The following PRDM16 variants were observed in gnomAD, a reference collection of about 807,000 sequenced individuals.
The protein encoded by PRDM16 is PR/SET domain 16.
In PRDM16, 23 loss-of-function variants were observed where a neutral mutation model predicts 110.6. That is an observed-to-expected ratio of 0.21 (90% CI 0.15 to 0.29). The LOEUF (loss-of-function observed/expected upper bound fraction) is 0.29, where lower values mean the gene tolerates loss of function less well. Among genes scored for constraint, PRDM16 ranks in the 10% least tolerant of loss-of-function variants. PRDM16 has a pLI of 1.00. For synonymous variants in PRDM16, 799 were observed against 781.8 expected, an observed-to-expected ratio of 1.02 and a Z score of -0.37; for missense variants, 1,615 against 1,794.3, an observed-to-expected ratio of 0.90 and a Z score of 1.81.
intron 1 of PRDM16, among the ~76,000 whole-genome samples, chr1:3,074,728 G>A (rs1641857468): frequency 6.6e-6 from 1 of 152,210 alleles, no homozygotes; most frequent in African/African-American, 2.4e-5. Context: ...GGAGGCTCAG[G>A]TTGGCCCGGG....
chr1:3,360,366 C>T (rs931146916), intron 3 of PRDM16, among the ~76,000 whole-genome samples: 6 of 152,102 alleles, frequency 3.9e-5, no homozygotes, highest in East Asian at 1.9e-4. Context: ...ATGGGTGTGC[C>T]GGGCCACAGG....
At chr1:3,231,335 G>A (rs10909905) in intron 2 of PRDM16, among the ~76,000 whole-genome samples, 33,936 of 136,256 alleles carry the variant, frequency 0.25, 4,598 homozygotes, top group African/African-American at 0.44. Flanking sequence ...GCCGAAAATA[G>A]GTGAGTGATG....
intron 3 of PRDM16, among the ~76,000 whole-genome samples, chr1:3,349,986 G>GGAGGAGAC (rs1642450430): frequency 6.6e-6 from 1 of 151,060 alleles, no homozygotes; most frequent in Non-Finnish European, 1.5e-5. Flanking sequence ...CCCTGGAGGA[G>GGAGGAGAC]ACAGCAGTCA....
intron 7 of PRDM16, 114 bp from the exon 8 acceptor site, chr1:3,405,381 T>G: frequency 8.0e-7 from 1 of 1,242,858 alleles, no homozygotes; most frequent in South Asian, 1.6e-5. Context: ...GACTGCAACG[T>G]GGCAAGAGAG....
intron 1 of PRDM16, among the ~76,000 whole-genome samples, chr1:3,138,374 G>A (rs569492313): frequency 5.6e-4 from 86 of 152,332 alleles, no homozygotes; most frequent in African/African-American, 1.7e-3. Context: ...GCCCATCAGC[G>A]GGGAGGCATC....
intron 1 of PRDM16, among the ~76,000 whole-genome samples, chr1:3,184,004 C>T (rs773526131): frequency 6.6e-6 from 1 of 152,196 alleles, no homozygotes; most frequent in Admixed American, 6.5e-5. Context: ...ACCACCCCCC[C>T]CAATGTACCT....
chr1:3,088,313 TCAAACCG>T (rs1642195888), intron 1 of PRDM16, among the ~76,000 whole-genome samples: 3 of 151,748 alleles, frequency 2.0e-5, no homozygotes, highest in African/African-American at 7.3e-5. Context: ...ATAAAAATCC[TCAAACCG>T]CCTTTCCCTT....
chr1:3,425,564 G>T lies in PRDM16; in HGVS notation c.2940-17G>T. 1 of 1,612,542 alleles carries T rather than the reference G, an allele frequency of 6.2e-7. No homozygotes were observed. Among genetic ancestry groups the T allele is most frequent in the Non-Finnish European group, 8.5e-7 (1 of 1,179,298 alleles). ...AGAGCCGGGGCCTGCACTGAGGAGC[G>T]CGTGTGCCCCTTCCAGGTGTAAGTA... On this transcript the variant is annotated splice_polypyrimidine_tract_variant and intron_variant, in intron 12 of 16. Coordinates refer to ENST00000270722, the MANE Select transcript of PRDM16 (RefSeq NM_022114.4). The surrounding 1 kb of genome is among the most constrained non-coding windows in gnomAD (Gnocchi z 6.9).
At chr1:3,200,608 C>T (rs1638599233) in intron 2 of PRDM16, among the ~76,000 whole-genome samples, 1 of 152,242 alleles carries the variant, frequency 6.6e-6, no homozygotes, top group South Asian at 2.1e-4. Context: ...TCCCGAAGTG[C>T]TGGGATTACA....
intron 1 of PRDM16, among the ~76,000 whole-genome samples, chr1:3,163,827 G>A (rs927156567): frequency 2.0e-5 from 3 of 152,142 alleles, no homozygotes; most frequent in Admixed American, 2.0e-4. Context: ...TTTGGATAAG[G>A]GAGCCACCCC....
At chr1:3,374,102 A>T (rs1308144550) in intron 3 of PRDM16, among the ~76,000 whole-genome samples, 7 of 152,102 alleles carry the variant, frequency 4.6e-5, no homozygotes, top group Admixed American at 4.6e-4. Context: ...CACGAGGCAA[A>T]CCTCTCAGGA....
intron 3 of PRDM16, among the ~76,000 whole-genome samples, chr1:3,378,897 G>T (rs1242831294): frequency 1.3e-5 from 2 of 151,966 alleles, no homozygotes; most frequent in African/African-American, 4.8e-5. Flanking sequence ...TCCTCCATCT[G>T]CTCCCTCCTT....
Position 3,144,665 on chromosome 1 carries a change from G to T in PRDM16, c.38-41460G>T, listed in dbSNP as rs566604811. On this transcript the variant is annotated intron_variant, in intron 1 of 16. Coordinates refer to ENST00000270722, the MANE Select transcript of PRDM16 (RefSeq NM_022114.4). ...CGCGTTCAGGAGAGGAAACCAAGGC[G>T]TGGGGGCTTTGCACCATTGCTTAGG... Among the ~76,000 whole-genome samples the T allele has an allele frequency of 4.6e-5, 7 of 152,330 alleles. 1 individual carries two copies. The highest frequency in any genetic ancestry group is 1.7e-4 in the African/African-American group (7 of 41,570).
intron 1 of PRDM16, among the ~76,000 whole-genome samples, chr1:3,154,449 AC>A (rs931770721): frequency 3.9e-5 from 6 of 152,282 alleles, no homozygotes; most frequent in African/African-American, 1.2e-4. Flanking sequence ...CGTTGTCAGG[AC>A]GGCCAAGGGC....
At chr1:3,314,078 G>GC (rs1459107635) in intron 3 of PRDM16, among the ~76,000 whole-genome samples, 2 of 145,644 alleles carry the variant, frequency 1.4e-5, no homozygotes, top group Non-Finnish European at 3.0e-5. Flanking sequence ...CACCGGGGGG[G>GC]GGGGCGGGAA....
chr1:3,431,213 G>A, intron 15 of PRDM16, 105 bp downstream of exon 15: 1 of 1,467,986 alleles, frequency 6.8e-7, no homozygotes, highest in Non-Finnish European at 9.1e-7. Context: ...CCCTGGCTCA[G>A]CCCCTACTCC....
chr1:3,438,021 G>GGTTTA lies in PRDM16; in HGVS notation c.*4215_*4219dup, dbSNP rs1237875873. On this transcript the variant is annotated 3_prime_UTR_variant, in exon 17 of 17. Coordinates refer to ENST00000270722, the MANE Select transcript of PRDM16 (RefSeq NM_022114.4). ...TCTGCCATTGTTACATTACAGATTT[G>GGTTTA]GTTTAGTTTTGTTTTGTTTTGTTTT... The GGTTTA allele has an allele frequency of 4.6e-6, 1 of 216,588 alleles. No individual in the cohort carries two copies. Among genetic ancestry groups the GGTTTA allele is most frequent in the Non-Finnish European group, 9.3e-6 (1 of 107,594 alleles). 13.4% of individuals were successfully genotyped at this position (216,588 alleles called of 1,614,324 possible). A position where few individuals can be genotyped will look rare whatever the true frequency, so the allele number is the denominator to read the frequency against.
At chr1:3,168,413 A>C (rs914437377) in intron 1 of PRDM16, among the ~76,000 whole-genome samples, 1 of 148,526 alleles carries the variant, frequency 6.7e-6, no homozygotes, top group African/African-American at 2.5e-5. Flanking sequence ...CAAGTGAGCA[A>C]GTGGCTCTTT....
chr1:3,074,537 T>C (rs1306243478), intron 1 of PRDM16, among the ~76,000 whole-genome samples: 1 of 151,686 alleles, frequency 6.6e-6, no homozygotes, highest in Non-Finnish European at 1.5e-5. Flanking sequence ...GCGTCCAGCG[T>C]GTAAGTGACC....
Sources: allele counts gnomAD v4.1 joint callset (sites outside exome capture counted in the v4.1 genomes callset), GRCh38; gene constraint gnomAD v4.1.1; non-coding constraint Gnocchi (gnomAD v3.1); transcripts MANE v1.5; gene names NCBI Gene and HGNC (gene_info 2026-07-23, HGNC 2026-07-21).